Variants in PPP1R9A observed in about 807,000 individuals in gnomAD.
The protein encoded by PPP1R9A is neurabin-1.
In PPP1R9A, 59 loss-of-function variants were observed where a neutral mutation model predicts 141.9. That is an observed-to-expected ratio of 0.42 (90% confidence interval 0.34 to 0.52). The LOEUF is 0.52. Among genes scored for constraint, PPP1R9A ranks in the 20% least tolerant of loss-of-function variants. The probability of loss-of-function intolerance (pLI) is 0.10; values close to 1 mark genes in which losing one functional copy is unlikely to be tolerated. For synonymous variants in PPP1R9A, 500 were observed against 569.7 expected, an observed-to-expected ratio of 0.88 and a Z score of 1.74; for missense variants, 1,444 against 1,611.9, an observed-to-expected ratio of 0.90 and a Z score of 1.78.
intron 2 of PPP1R9A, among the ~76,000 whole-genome samples, chr7:94,925,591 AG>A (rs1338563117): frequency 2.6e-5 from 4 of 152,142 alleles, no homozygotes; most frequent in Non-Finnish European, 4.4e-5. Context: ...GTTTGGAATC[AG>A]ACAGACCTGT....
At chr7:95,185,362 C>T (rs1031234769) in intron 5 of PPP1R9A, among the ~76,000 whole-genome samples, 1 of 127,306 alleles carries the variant, frequency 7.9e-6, no homozygotes, top group Non-Finnish European at 1.6e-5. Flanking sequence ...ATGTCCCTAG[C>T]CCACTTTTTT....
intron 8 of PPP1R9A, among the ~76,000 whole-genome samples, chr7:95,232,046 G>C (rs1796033145): frequency 6.6e-6 from 1 of 152,032 alleles, no homozygotes. Flanking sequence ...AGTTACAAAT[G>C]AAACGGGAGA....
chr7:95,030,030 C>T (rs934830649), intron 2 of PPP1R9A, among the ~76,000 whole-genome samples: 30 of 152,164 alleles, frequency 2.0e-4, no homozygotes, highest in African/African-American at 6.5e-4. Flanking sequence ...ATTCCAAAGA[C>T]GTATATCTCA....
chr7:95,247,255 C>A (rs1798236771), intron 8 of PPP1R9A, among the ~76,000 whole-genome samples: 1 of 152,258 alleles, frequency 6.6e-6, no homozygotes, highest in Non-Finnish European at 1.5e-5. Context: ...AAATTGGTAA[C>A]CTAATCTGAT....
At chr7:94,918,534 A>G (rs978855931) in intron 2 of PPP1R9A, among the ~76,000 whole-genome samples, 42 of 152,086 alleles carry the variant, frequency 2.8e-4, no homozygotes, top group African/African-American at 9.2e-4. Flanking sequence ...GAAGTGCACA[A>G]TTCAGTGGTT....
chr7:95,077,631 C>A (rs1437783251), intron 2 of PPP1R9A, among the ~76,000 whole-genome samples: 1 of 152,006 alleles, frequency 6.6e-6, no homozygotes, highest in Non-Finnish European at 1.5e-5. Flanking sequence ...CAAGAAAAAA[C>A]AAACAAACAG....
At chr7:95,217,047 GT>G (rs773981247) in intron 7 of PPP1R9A, among the ~76,000 whole-genome samples, 9 of 152,146 alleles carry the variant, frequency 5.9e-5, no homozygotes, top group Non-Finnish European at 1.0e-4. Flanking sequence ...TCTTGTGCCA[GT>G]TTTCAAAGGG....
In PPP1R9A at chr7:94,910,470, T is replaced by C. The variant is rs775037733; in HGVS notation, c.357T>C (p.Ser119=). The part of the protein sequence containing the change: ...TDGSVVKLES[S]VSERISRFDT... ...GCTCAGTTGTTAAGTTGGAGTCTTC[T>C]GTTTCTGAACGAATTAGTAGATTTG... The change falls in exon 2 of 20, where the codon TCT becomes TCC. Residue 119 remains serine, a synonymous_variant. Transcript: ENST00000433360. This position sits in a 1 kb window ranked among gnomAD's most constrained non-coding sequence, Gnocchi z 4.5. The C allele has an allele frequency of 1.2e-6, 2 of 1,614,242 alleles. No homozygotes were observed. The highest frequency in any genetic ancestry group is 1.7e-6 in the Non-Finnish European group (2 of 1,180,044).
chr7:94,988,044 G>A (rs1036380173), intron 2 of PPP1R9A, among the ~76,000 whole-genome samples: 1 of 152,042 alleles, frequency 6.6e-6, no homozygotes, highest in South Asian at 2.1e-4. Flanking sequence ...ACTTGGAATT[G>A]GATCAGAGGT....
At chr7:95,164,669 T>A (rs1830920468) in intron 5 of PPP1R9A, among the ~76,000 whole-genome samples, 1 of 151,762 alleles carries the variant, frequency 6.6e-6, no homozygotes, top group South Asian at 2.1e-4. Context: ...TCCATCTGTT[T>A]GAATTTTTGC....
intron 4 of PPP1R9A, among the ~76,000 whole-genome samples, chr7:95,151,361 A>G (rs1828635703): frequency 6.6e-6 from 1 of 152,228 alleles, no homozygotes; most frequent in Non-Finnish European, 1.5e-5. Context: ...GAAGGAAGCT[A>G]ATGTGAAAAG....
At chr7:95,161,834 A>G in intron 4 of PPP1R9A, 33 bp from the exon 5 acceptor site, 1 of 1,391,324 alleles carries the variant, frequency 7.2e-7, no homozygotes, top group Non-Finnish European at 1.0e-6. Context: ...TTTTTATGTA[A>G]TTTATGTGGG....
At chr7:95,006,756 C>T (rs1803661524) in intron 2 of PPP1R9A, among the ~76,000 whole-genome samples, 1 of 152,136 alleles carries the variant, frequency 6.6e-6, no homozygotes, top group East Asian at 1.9e-4. Context: ...ATATGGTCTC[C>T]TGGAGGTGAG....
At chr7:95,268,470 G>C in intron 12 of PPP1R9A, 80 bp from the exon 13 acceptor site, 1 of 1,510,382 alleles carries the variant, frequency 6.6e-7, no homozygotes, top group African/African-American at 1.4e-5. Context: ...TGGTTACCTT[G>C]AGATTTTATC....
At chr7:95,168,607 G>A (rs1831633803) in intron 5 of PPP1R9A, among the ~76,000 whole-genome samples, 1 of 151,812 alleles carries the variant, frequency 6.6e-6, no homozygotes, top group South Asian at 2.1e-4. Flanking sequence ...GAGACAGCCT[G>A]TTGAATGGGA....
At chr7:95,074,952 ATATT>A (rs781353367) in intron 2 of PPP1R9A, among the ~76,000 whole-genome samples, 7 of 152,252 alleles carry the variant, frequency 4.6e-5, no homozygotes, top group Non-Finnish European at 7.4e-5. Flanking sequence ...GTGGAGTTGA[ATATT>A]TATTTATATT....
chr7:95,043,484 A>G (rs1243060914), intron 2 of PPP1R9A, among the ~76,000 whole-genome samples: 2 of 152,206 alleles, frequency 1.3e-5, no homozygotes, highest in Non-Finnish European at 1.5e-5. Flanking sequence ...AGAACAGTGA[A>G]CAACTGTTCT....
chr7:94,934,338 C>T (rs1794508540), intron 2 of PPP1R9A, among the ~76,000 whole-genome samples: 1 of 152,194 alleles, frequency 6.6e-6, no homozygotes. Context: ...AGACATCAAA[C>T]ACTTGCTTTG....
chr7:95,117,928 A>T (rs1019497658), intron 3 of PPP1R9A, among the ~76,000 whole-genome samples: 1 of 152,216 alleles, frequency 6.6e-6, no homozygotes, highest in African/African-American at 2.4e-5. Flanking sequence ...CTTAAACAAC[A>T]CAAGAGCAAT....
Sources: allele counts gnomAD v4.1 joint callset (sites outside exome capture counted in the v4.1 genomes callset), GRCh38; gene constraint gnomAD v4.1.1; non-coding constraint Gnocchi (gnomAD v3.1); transcripts MANE v1.5; gene names NCBI Gene and HGNC (gene_info 2026-07-23, HGNC 2026-07-21).